EVC2: variants seen among roughly 807,000 people sequenced by gnomAD.
EVC2 encodes limbin.
Under a neutral mutation model 149.3 loss-of-function variants are expected in EVC2, and 148 were observed. The ratio of observed to expected loss-of-function variants is 0.99; its 90% CI spans 0.87 to 1.14. EVC2 has a LOEUF of 1.14. EVC2 is among the 50% of genes most tolerant of loss of function. EVC2 has a pLI of 0.00. For synonymous variants in EVC2, 776 were observed against 649.9 expected (o/e 1.19, Z -2.95); for missense variants, 1,854 against 1,627.3 (o/e 1.14, Z -2.40).
At chr4:5,662,491 TA>T (rs1173509780) in intron 9 of EVC2, among the ~76,000 whole-genome samples, 27 of 106,322 alleles carry the variant, frequency 2.5e-4, no homozygotes, top group Middle Eastern at 4.2e-3. Flanking sequence ...AATATAATAT[TA>T]ATATTAAATA....
chr4:5,631,576 GA>G (rs1429998979), intron 11 of EVC2, among the ~76,000 whole-genome samples: 3 of 150,080 alleles, frequency 2.0e-5, no homozygotes, highest in African/African-American at 7.4e-5. Context: ...CTGGGGGGGG[GA>G]ACTGAAATTC....
rs772481704 is a variant in EVC2 at position 5,615,476 on chromosome 4, G to A, written c.2775C>T (p.Ile925=). 4 of 1,614,046 alleles carry A rather than the reference G, an allele frequency of 2.5e-6. No homozygotes were observed. The highest frequency in any genetic ancestry group is 1.1e-5 in the South Asian group (1 of 91,082). Residue 925 remains isoleucine, a synonymous_variant, in exon 16 of 22, where the codon ATC becomes ATT. Coordinates refer to ENST00000344408, the MANE Select transcript of EVC2 (RefSeq NM_147127.5). ...CCTCACAGAGGTGAATTTTGTCTTC[G>A]ATGCACTTCTTCAGAAGCTCTCCCT... is the stretch of plus-strand genomic sequence containing the variant. The part of the protein sequence containing the change: ...KSKGELLKKC[I]EDKIHLCEEQ...
the EVC2 span, among the ~76,000 whole-genome samples, chr4:5,534,704 T>G: frequency 2.6e-5 from 4 of 152,044 alleles, no homozygotes; most frequent in East Asian, 7.8e-4. Flanking sequence ...TGCAATTGCG[T>G]TGAGTGATGG....
At chr4:5,617,522 G>C (rs1005329587) in intron 15 of EVC2, among the ~76,000 whole-genome samples, 1 of 152,138 alleles carries the variant, frequency 6.6e-6, no homozygotes, top group Non-Finnish European at 1.5e-5. Flanking sequence ...GTGGTGAATG[G>C]GCCGGGGAGC....
chr4:5,684,644 C>T (rs931501228), intron 6 of EVC2, among the ~76,000 whole-genome samples: 20 of 152,308 alleles, frequency 1.3e-4, no homozygotes, highest in Admixed American at 1.0e-3. Context: ...GAACCCACCA[C>T]AGGGGCAGTG....
At chr4:5,674,788 A>C (rs1719885903) in intron 7 of EVC2, among the ~76,000 whole-genome samples, 1 of 152,188 alleles carries the variant, frequency 6.6e-6, no homozygotes, top group Admixed American at 6.5e-5. Flanking sequence ...GAAAGCATTC[A>C]GGTTTGCATT....
Position 5,562,789 on chromosome 4 carries a change from C to T in EVC2, c.*59G>A, listed in dbSNP as rs375871861. On this transcript the variant is annotated 3_prime_UTR_variant, in exon 22 of 22. Coordinates refer to ENST00000344408, the MANE Select transcript of EVC2 (RefSeq NM_147127.5). This position sits in a 1 kb window ranked among gnomAD's most constrained non-coding sequence, Gnocchi z 4.3. ...TGCATTATAAACACACAAACACCGG[C>T]GGGCAGGAGAAAATCATCCCTTCTC... is the stretch of plus-strand genomic sequence containing the variant. 25 of 1,608,916 alleles carry T rather than the reference C, an allele frequency of 1.6e-5. No homozygotes were observed. Among genetic ancestry groups the T allele is most frequent in the African/African-American group, 8.0e-5 (6 of 74,886 alleles).
intron 5 of EVC2, 40 bp downstream of exon 5, chr4:5,689,117 C>T (rs754226674): frequency 1.2e-6 from 2 of 1,609,184 alleles, no homozygotes; most frequent in Non-Finnish European, 1.7e-6. Flanking sequence ...TGTACATATT[C>T]TCATTTGTCA....
chr4:5,549,418 A>G (rs184316742), intron 21 of EVC2, among the ~76,000 whole-genome samples: 1 of 152,224 alleles, frequency 6.6e-6, no homozygotes, highest in African/African-American at 2.4e-5. Flanking sequence ...AGAGCCTAAC[A>G]CAGGGGCTGT....
Position 5,692,098 on chromosome 4 carries a change from C to T in EVC2, c.451-765G>A, listed in dbSNP as rs1207307409. Among the ~76,000 whole-genome samples the T allele has an allele frequency of 2.6e-5, 4 of 152,222 alleles. No individual in the cohort carries two copies. The East Asian group carries it at 7.7e-4, about 29-fold the overall frequency. On this transcript the variant is annotated intron_variant, in intron 3 of 21. Coordinates refer to ENST00000344408, the MANE Select transcript of EVC2 (RefSeq NM_147127.5). ...TCTTTCCCACTCTCTGCCTTGCGCA[C>T]CTGTCACCTGCAGTGGAACAAGCTG...
At chr4:5,683,898 G>A (rs1176787239) in intron 6 of EVC2, among the ~76,000 whole-genome samples, 4 of 150,306 alleles carry the variant, frequency 2.7e-5, no homozygotes, top group South Asian at 2.1e-4. Context: ...ACAGCTACAC[G>A]GGAACACACA....
chr4:5,556,902 A>G (rs978258574), intron 21 of EVC2, among the ~76,000 whole-genome samples: 3 of 127,158 alleles, frequency 2.4e-5, no homozygotes, highest in Non-Finnish European at 5.4e-5. Flanking sequence ...AACCTAAATA[A>G]ACCATATCTA....
intron 18 of EVC2, among the ~76,000 whole-genome samples, chr4:5,575,383 C>G (rs1293338484): frequency 3.7e-4 from 57 of 152,316 alleles, no homozygotes. Context: ...AAATCCCAGG[C>G]TAAATCAAGC....
In EVC2 at chr4:5,562,943, G is replaced by A; in HGVS notation, c.3832C>T (p.Pro1278Ser). 1 of 1,614,086 alleles carries A rather than the reference G, an allele frequency of 6.2e-7. No homozygotes were observed. Among genetic ancestry groups the A allele is most frequent in the Non-Finnish European group, 8.5e-7 (1 of 1,180,024 alleles). The stretch of plus-strand genomic sequence containing the variant: ...TGCAGTGAGATCTCTGGCTCCTTTG[G>A]ATTTCTGAATATAAAGAGCTTCTCT... ...TGEKLFIFRNPKEPEISLHVP... is the reference protein window; with the variant it reads ...TGEKLFIFRNSKEPEISLHVP... Residue 1278 changes from proline (P) to serine (S), a missense_variant, in exon 22 of 22, where the codon CCA becomes TCA. Physicochemically the swap from Pro to Ser is moderately conservative, Grantham distance 74. Transcript: ENST00000344408. This position sits in a 1 kb window ranked among gnomAD's most constrained non-coding sequence, Gnocchi z 4.3.
At chr4:5,704,752 T>C (rs1186596013) in intron 1 of EVC2, among the ~76,000 whole-genome samples, 2 of 152,122 alleles carry the variant, frequency 1.3e-5, no homozygotes, top group East Asian at 1.9e-4. Context: ...GCCATCCAGG[T>C]TGGAGTGCAG....
At chr4:5,654,751 C>T (rs1230857884) in intron 9 of EVC2, among the ~76,000 whole-genome samples, 2 of 152,190 alleles carry the variant, frequency 1.3e-5, no homozygotes, top group Non-Finnish European at 2.9e-5. Context: ...ACTTCCAGGC[C>T]GCTGAAGGAG....
intron 7 of EVC2, 113 bp from the exon 8 acceptor site, chr4:5,665,762 G>A: frequency 6.7e-7 from 1 of 1,498,490 alleles, no homozygotes; most frequent in South Asian, 1.2e-5. Flanking sequence ...GGACTCGCTT[G>A]CATTTGAGTC....
At chr4:5,586,769 T>A (rs963565134) in intron 16 of EVC2, among the ~76,000 whole-genome samples, 23 of 152,180 alleles carry the variant, frequency 1.5e-4, no homozygotes, top group Admixed American at 6.5e-5. Flanking sequence ...GTTGTCCCAC[T>A]TTTCTGGACC....
rs1006561208 is a variant in EVC2, at chr4:5,614,870, G to A, written c.2829+552C>T. ...TGGGTGCCTGTAATCCCAGCTACTC[G>A]GAAGGGTGAGGCAGAAGAATCACTT... On this transcript the variant is annotated intron_variant, in intron 16 of 21. Coordinates refer to ENST00000344408, the MANE Select transcript of EVC2 (RefSeq NM_147127.5). The surrounding 1 kb of genome is among the most constrained non-coding windows in gnomAD (Gnocchi z 4.7). Among the ~76,000 whole-genome samples, 9 of 152,160 alleles carry A rather than the reference G, an allele frequency of 5.9e-5. No homozygotes were observed. The highest frequency in any genetic ancestry group is 1.9e-4 in the East Asian group (1 of 5,152).
Sources: gnomAD v4.1 joint callset for allele counts (sites outside exome capture counted in the v4.1 genomes callset) on GRCh38, gnomAD v4.1.1 for gene constraint, Gnocchi (gnomAD v3.1) non-coding constraint, MANE v1.5 for transcripts, NCBI Gene and HGNC (gene_info 2026-07-23, HGNC 2026-07-21) for gene names.